The following GOLGB1 variants were observed in gnomAD, a reference collection of about 807,000 sequenced individuals.
GOLGB1 encodes the protein golgin B1.
Under a neutral mutation model 336.9 loss-of-function variants are expected in GOLGB1, and 174 were observed. That is an observed-to-expected ratio of 0.52 (90% CI 0.46 to 0.59). The LOEUF is 0.59. GOLGB1 is among the 20% of genes least tolerant of loss of function. GOLGB1 has a pLI of 0.00. For synonymous variants in GOLGB1, 1,208 were observed against 1,289.2 expected (o/e 0.94, Z 1.35); for missense variants, 3,331 against 3,645.3 (o/e 0.91, Z 2.22).
At position 121,695,186 on chromosome 3, in the gene GOLGB1, C is replaced by T; in HGVS notation, c.5337G>A (p.Glu1779=). The T allele has an allele frequency of 1.2e-6, 2 of 1,613,448 alleles. No individual in the cohort carries two copies. Among genetic ancestry groups the T allele is most frequent in the Non-Finnish European group, 1.7e-6 (2 of 1,179,824 alleles). Reference sequence around the variant, plus strand: ...TTTGGTTATCATGTTTCTCGGTGGCCTCTAGGTTAGCTTGTTTAGATACAT... The same window carrying T: ...TTTGGTTATCATGTTTCTCGGTGGCTTCTAGGTTAGCTTGTTTAGATACAT... ...EGNVSKQANL[E]ATEKHDNQTN... is the part of the protein sequence containing the mutation. Residue 1779 remains glutamate, a synonymous_variant, in exon 13 of 22, where the codon GAG becomes GAA. Transcript: ENST00000614479.
intron 9 of GOLGB1, among the ~76,000 whole-genome samples, chr3:121,715,499 G>T (rs542129772): frequency 1.3e-5 from 2 of 151,518 alleles, no homozygotes; most frequent in East Asian, 3.9e-4. Flanking sequence ...AATAGCAGGC[G>T]TGGGGAGGCC....
intron 1 of GOLGB1, among the ~76,000 whole-genome samples, chr3:121,742,939 T>C (rs895522120): frequency 1.3e-5 from 2 of 152,188 alleles, no homozygotes; most frequent in African/African-American, 2.4e-5. Flanking sequence ...CCAGTTAGAA[T>C]GGCAATCATT....
At chr3:121,703,351 A>C (rs1943559723) in intron 10 of GOLGB1, among the ~76,000 whole-genome samples, 1 of 152,222 alleles carries the variant, frequency 6.6e-6, no homozygotes, top group South Asian at 2.1e-4. Context: ...GGAAGTTCCC[A>C]GTTTGCAGTA....
intron 1 of GOLGB1, among the ~76,000 whole-genome samples, chr3:121,733,774 A>G (rs1269959971): frequency 6.6e-6 from 1 of 152,208 alleles, no homozygotes; most frequent in African/African-American, 2.4e-5. Flanking sequence ...ACTGATTTTT[A>G]ACAAAGGTAC....
chr3:121,728,262 T>C lies in GOLGB1; in HGVS notation c.402+926A>G, dbSNP rs145091751. ...GTAATGTTCTCTGATCATTAGGCCC[T>C]GAGAGGAAAGACTAAGCAGGAACTG... is the stretch of plus-strand genomic sequence containing the variant. On this transcript the variant is annotated intron_variant, in intron 4 of 21. Coordinates refer to ENST00000614479, the MANE Select transcript of GOLGB1 (RefSeq NM_001366282.2). Among the ~76,000 whole-genome samples, 23 of 152,288 alleles carry C rather than the reference T, an allele frequency of 1.5e-4. No individual in the cohort carries two copies. In the East Asian group the frequency reaches 4.4e-3, roughly 29 times the overall value.
intron 10 of GOLGB1, among the ~76,000 whole-genome samples, chr3:121,712,252 C>T (rs1399228235): frequency 2.0e-5 from 3 of 151,976 alleles, no homozygotes; most frequent in Non-Finnish European, 2.9e-5. Context: ...ACGAAATATC[C>T]GTACAGGAAA....
Position 121,677,331 on chromosome 3 carries a change from G to C in GOLGB1, c.8993C>G (p.Ser2998Cys), listed in dbSNP as rs1298124399. The C allele has an allele frequency of 1.9e-6, 3 of 1,610,912 alleles. No homozygotes were observed. The highest frequency in any genetic ancestry group is 2.5e-6 in the Non-Finnish European group (3 of 1,177,632). ...HLQNLIRELR[S>C]SSSQTQPLKV... ...GAGAGGCTGAGTCTGGGAGGAAGAAGACCTCAATTCCCTTATAAGATTCTG... is the reference window on the plus strand; with the variant it reads ...GAGAGGCTGAGTCTGGGAGGAAGAACACCTCAATTCCCTTATAAGATTCTG... The change falls in exon 16 of 22, where the codon TCT (serine) becomes TGT (cysteine). Residue 2998 changes from serine (S) to cysteine (C), a missense_variant. Transcript: ENST00000614479.
chr3:121,729,444 C>G, intron 3 of GOLGB1, 104 bp from the exon 4 acceptor site: 2 of 942,254 alleles, frequency 2.1e-6, no homozygotes, highest in Non-Finnish European at 1.6e-6. Context: ...GACAGGGTAT[C>G]TCTCTGTTAC....
At chr3:121,727,316 ATATATTTTTTTTTTT>A (rs1418078800) in intron 4 of GOLGB1, among the ~76,000 whole-genome samples, 1 of 36,102 alleles carries the variant, frequency 2.8e-5, no homozygotes, top group African/African-American at 7.7e-5. Context: ...ATATATATAT[ATATATTTTTTTTTTT>A]TTTTTTTTTT....
At chr3:121,688,795 G>A (rs1053225953) in intron 14 of GOLGB1, among the ~76,000 whole-genome samples, 2 of 151,292 alleles carry the variant, frequency 1.3e-5, no homozygotes, top group Non-Finnish European at 2.9e-5. Context: ...CCTCTGCTCC[G>A]CCGCCCCGTC....
intron 1 of GOLGB1, among the ~76,000 whole-genome samples, chr3:121,748,553 T>C (rs1947531397): frequency 6.6e-6 from 1 of 152,228 alleles, no homozygotes; most frequent in African/African-American, 2.4e-5. Flanking sequence ...TTCAACTTTT[T>C]CCTGCATCTA....
At chr3:121,726,841 T>C in intron 5 of GOLGB1, 72 bp downstream of exon 5, 1 of 1,140,548 alleles carries the variant, frequency 8.8e-7, no homozygotes. Context: ...GAAAAATGTA[T>C]TTGTCACATA....
chr3:121,743,035 A>T (rs527993565), intron 1 of GOLGB1, among the ~76,000 whole-genome samples: 20 of 152,382 alleles, frequency 1.3e-4, no homozygotes, highest in Admixed American at 7.2e-4. Context: ...AAATTAGTTC[A>T]ACCATTGTGG....
chr3:121,692,576 T>A lies in GOLGB1; in HGVS notation c.6788A>T (p.Glu2263Val), dbSNP rs142884389. 53 of 1,563,078 alleles carry A rather than the reference T, an allele frequency of 3.4e-5. No individual in the cohort carries two copies. In the African/African-American group the frequency reaches 7.0e-4, roughly 21 times the overall value. The stretch of plus-strand genomic sequence containing the variant: ...GGACTCCCAAATCTGCTTGTCATGT[T>A]CAAGCCTGAAACAGAGAGAAGGTCA... ...EELKINISRL[E>V]HDKQIWESKA... Residue 2263 changes from glutamate to valine, a missense_variant, in exon 14 of 22, where the codon GAA (glutamate) becomes GTA (valine). Physicochemically the swap from Glu to Val is moderately radical, Grantham distance 121. Coordinates refer to ENST00000614479, the MANE Select transcript of GOLGB1 (RefSeq NM_001366282.2).
chr3:121,694,589 C>T lies in GOLGB1; in HGVS notation c.5934G>A (p.Gln1978=). ...KCVSELEEEK[Q]QLVKEKTKVE... ...CCTTAGTTTTTTCCTTGACTAACTG[C>T]TGCTTTTCTTCTTCCAATTCACTCA... The change falls in exon 13 of 22, where the codon CAG becomes CAA. Residue 1978 remains glutamine, a synonymous_variant. Coordinates refer to ENST00000614479, the MANE Select transcript of GOLGB1 (RefSeq NM_001366282.2). 6.2e-7 allele frequency: 1 copy of T among 1,612,360 alleles called. No individual in the cohort carries two copies. Among genetic ancestry groups the T allele is most frequent in the Non-Finnish European group, 8.5e-7 (1 of 1,179,954 alleles).
intron 10 of GOLGB1, among the ~76,000 whole-genome samples, chr3:121,710,090 C>G (rs548171008): frequency 6.9e-6 from 1 of 144,112 alleles, no homozygotes; most frequent in African/African-American, 2.6e-5. Context: ...CAAACCAAAA[C>G]TGGCACCGGG....
At chr3:121,723,523 C>T (rs535906125) in intron 5 of GOLGB1, among the ~76,000 whole-genome samples, 24 of 152,296 alleles carry the variant, frequency 1.6e-4, no homozygotes, top group South Asian at 8.3e-4. Flanking sequence ...AATATAGACA[C>T]ATTTCAAAAT....
chr3:121,726,027 C>T (rs1007943353), intron 5 of GOLGB1, among the ~76,000 whole-genome samples: 1 of 149,150 alleles, frequency 6.7e-6, no homozygotes, highest in South Asian at 2.1e-4. Flanking sequence ...AAATTAAAAA[C>T]AAAACTAAGG....
rs1048506495 is a variant in GOLGB1, at chr3:121,697,969, C to A, written c.2554G>T (p.Val852Leu). ...QSQLQNKESEVLEGAERVRHI... is the reference protein window; with the variant it reads ...QSQLQNKESELLEGAERVRHI... ...CTTACACGTTCTGCCCCCTCAAGCA[C>A]TTCACTTTCCTTATTTTGCAGCTGG... The change falls in exon 13 of 22, where the codon GTG (valine) becomes TTG (leucine). Residue 852 changes from valine (V) to leucine (L), a missense_variant. By Grantham distance (32) the Val-to-Leu change is conservative. Transcript: ENST00000614479. 2.5e-6 allele frequency: 4 copies of A among 1,614,122 alleles called. No homozygotes were observed. The highest frequency in any genetic ancestry group is 2.5e-6 in the Non-Finnish European group (3 of 1,179,970).
Sources: allele counts gnomAD v4.1 joint callset (sites outside exome capture counted in the v4.1 genomes callset), GRCh38; gene constraint gnomAD v4.1.1; transcripts MANE v1.5; gene names NCBI Gene and HGNC (gene_info 2026-07-23, HGNC 2026-07-21).